PCDH15: variants seen among roughly 807,000 people sequenced by gnomAD.
PCDH15 encodes protocadherin-15.
In PCDH15, 129 loss-of-function variants were observed where a neutral mutation model predicts 178.5. The ratio of observed to expected loss-of-function variants is 0.72; its 90% CI spans 0.63 to 0.84. The LOEUF is 0.84. PCDH15 is among the 40% of genes least tolerant of loss of function. The pLI is 0.00. For missense variants in PCDH15, 2,230 were observed against 2,099.9 expected (o/e 1.06, Z -1.21); for synonymous variants, 800 against 732.0 (o/e 1.09, Z -1.50).
chr10:55,529,730 T>C (rs1488829265), intron 2 of PCDH15, among the ~76,000 whole-genome samples: 1 of 118,292 alleles, frequency 8.5e-6, no homozygotes, highest in African/African-American at 3.3e-5. Flanking sequence ...TATATATGTG[T>C]TTGTCTGTGA....
intron 8 of PCDH15, among the ~76,000 whole-genome samples, chr10:54,244,843 T>C (rs1027813850): frequency 2.6e-5 from 4 of 152,166 alleles, no homozygotes. Context: ...AGGAAGAAAT[T>C]GAGCAGACAG....
intron 1 of PCDH15, among the ~76,000 whole-genome samples, chr10:54,694,817 TC>T (rs1435497922): frequency 1.3e-5 from 2 of 152,000 alleles, no homozygotes; most frequent in Non-Finnish European, 2.9e-5. Context: ...TGTACAGTGG[TC>T]TCTAAGTGTT....
chr10:55,617,087 C>T (rs1459263113), intron 2 of PCDH15, among the ~76,000 whole-genome samples: 1 of 152,072 alleles, frequency 6.6e-6, no homozygotes, highest in Non-Finnish European at 1.5e-5. Context: ...AACCTCTCAA[C>T]CTTGCTTGCT....
At chr10:54,008,899 C>G (rs1399171021) in intron 20 of PCDH15, among the ~76,000 whole-genome samples, 1 of 152,168 alleles carries the variant, frequency 6.6e-6, no homozygotes, top group Non-Finnish European at 1.5e-5. Context: ...TCACCTTAGT[C>G]TTTTTCATCT....
chr10:54,687,545 G>A (rs543431897), intron 1 of PCDH15, among the ~76,000 whole-genome samples: 1 of 152,126 alleles, frequency 6.6e-6, no homozygotes, highest in South Asian at 2.1e-4. Flanking sequence ...CTAACCTTGG[G>A]CTTCTCTTTC....
At chr10:55,621,367 C>A (rs1176410061) in intron 2 of PCDH15, among the ~76,000 whole-genome samples, 1 of 152,160 alleles carries the variant, frequency 6.6e-6, no homozygotes, top group Non-Finnish European at 1.5e-5. Flanking sequence ...GAAAACCACA[C>A]TGCCAACAGA....
At chr10:55,280,067 A>G (rs1842688165) in intron 1 of PCDH15, among the ~76,000 whole-genome samples, 1 of 152,130 alleles carries the variant, frequency 6.6e-6, no homozygotes, top group South Asian at 2.1e-4. Flanking sequence ...GAATTCAAAT[A>G]GCATCTCTTT....
intron 2 of PCDH15, among the ~76,000 whole-genome samples, chr10:55,132,399 G>A (rs1838075068): frequency 6.6e-6 from 1 of 152,264 alleles, no homozygotes; most frequent in African/African-American, 2.4e-5. Flanking sequence ...TTGTAAAATA[G>A]TAATTCCTAC....
At chr10:54,712,909 A>G (rs2095440739) in intron 1 of PCDH15, among the ~76,000 whole-genome samples, 1 of 152,078 alleles carries the variant, frequency 6.6e-6, no homozygotes, top group African/African-American at 2.4e-5. Flanking sequence ...AGTAAAACAG[A>G]TTTTAGTATT....
At chr10:54,180,593 G>A (rs370637471) in intron 13 of PCDH15, among the ~76,000 whole-genome samples, 1 of 152,182 alleles carries the variant, frequency 6.6e-6, no homozygotes, top group East Asian at 1.9e-4. Flanking sequence ...GCAGGGTTGT[G>A]ATGAGGTGTA....
chr10:54,899,519 C>T (rs756190989), intron 2 of PCDH15, among the ~76,000 whole-genome samples: 18 of 111,436 alleles, frequency 1.6e-4, no homozygotes, highest in South Asian at 3.1e-4. Context: ...TTTTTTGAGA[C>T]GGAGTCTCAC....
intron 3 of PCDH15, among the ~76,000 whole-genome samples, chr10:54,385,450 C>T (rs1456585281): frequency 6.6e-6 from 1 of 152,108 alleles, no homozygotes; most frequent in African/African-American, 2.4e-5. Flanking sequence ...AATAACCATA[C>T]GTGCTCAAGC....
Position 55,275,146 on chromosome 10 carries a change from A to G in PCDH15, c.-156+44453T>C, listed in dbSNP as rs78231249. 2.8e-4 allele frequency among the ~76,000 whole-genome samples: 42 copies of G among 151,968 alleles called. No individual in the cohort carries two copies. In the East Asian group the frequency reaches 7.5e-3, roughly 27 times the overall value. Reference sequence around the variant, plus strand: ...CCCTCCATAAAATGCCTGATAATATATTTTTTCTTCAATTTTGCAATCTGT... The same window carrying G: ...CCCTCCATAAAATGCCTGATAATATGTTTTTTCTTCAATTTTGCAATCTGT... On this transcript the variant is annotated intron_variant, in intron 1 of 5. Coordinates refer to the PCDH15 transcript ENST00000458638.
At chr10:55,229,984 C>T (rs1247883111) in intron 1 of PCDH15, among the ~76,000 whole-genome samples, 2 of 152,066 alleles carry the variant, frequency 1.3e-5, no homozygotes, top group Non-Finnish European at 2.9e-5. Flanking sequence ...TGAACAATAG[C>T]AATGGGGCTA....
In PCDH15 at chr10:54,873,695, T is replaced by TTTTATA. The variant is rs1554809277; in HGVS notation, c.-29+23754_-29+23755insTATAAA. On this transcript the variant is annotated intron_variant, in intron 3 of 5. Transcript: ENST00000458638. ...AAAAATCTGAAGAAACTGCTGTATT[T>TTTTATA]TATATATATATATATATATATAATA... Among the ~76,000 whole-genome samples, 1,134 of 138,892 alleles carry TTTTATA rather than the reference T, an allele frequency of 8.2e-3. 12 individuals carry two copies. The highest frequency in any genetic ancestry group is 0.026 in the African/African-American group (980 of 37,574). The allele number at this position is 138,892 out of a possible 152,430, so 91.1% of individuals were successfully genotyped here. A position where few individuals can be genotyped will look rare whatever the true frequency, so the allele number is the denominator to read the frequency against.
At chr10:54,696,315 A>T (rs993041590) in intron 1 of PCDH15, among the ~76,000 whole-genome samples, 1 of 152,150 alleles carries the variant, frequency 6.6e-6, no homozygotes, top group Non-Finnish European at 1.5e-5. Context: ...TGGAGCCTAA[A>T]TATATGACTG....
intron 2 of PCDH15, among the ~76,000 whole-genome samples, chr10:54,655,286 G>GAGAGAGAGAGAC (rs2094364865): frequency 7.9e-6 from 1 of 127,160 alleles, no homozygotes; most frequent in Non-Finnish European, 1.7e-5. Context: ...GAGAGAGAGA[G>GAGAGAGAGAGAC]AGAGAGAGAG....
intron 8 of PCDH15, among the ~76,000 whole-genome samples, chr10:54,286,135 A>G (rs1326685246): frequency 1.3e-5 from 2 of 152,224 alleles, no homozygotes; most frequent in Non-Finnish European, 2.9e-5. Context: ...TTTATTGCAC[A>G]TTAGAGTGAT....
chr10:55,337,667 C>G (rs1844432264), intron 2 of PCDH15, among the ~76,000 whole-genome samples: 1 of 152,106 alleles, frequency 6.6e-6, no homozygotes, highest in Non-Finnish European at 1.5e-5. Context: ...ATATCAGTCT[C>G]CACATGTTGG....
Sources: gnomAD v4.1 joint callset for allele counts (sites outside exome capture counted in the v4.1 genomes callset) on GRCh38, gnomAD v4.1.1 for gene constraint, MANE v1.5 for transcripts, NCBI Gene and HGNC (gene_info 2026-07-23, HGNC 2026-07-21) for gene names.